The following CNTNAP2 variants were observed in gnomAD, a reference collection of about 807,000 sequenced individuals.
The protein encoded by CNTNAP2 is contactin-associated protein-like 2.
CNTNAP2 carries 98 observed loss-of-function variants against 155.2 expected under a neutral mutation model. The ratio of observed to expected loss-of-function variants is 0.63; its 90% CI spans 0.54 to 0.75. CNTNAP2 has a LOEUF of 0.75. Ranked by LOEUF, CNTNAP2 falls within the 30% of genes least tolerant of loss-of-function variation. The pLI is 0.00. For missense variants in CNTNAP2, 1,727 were observed against 1,688.1 expected, an observed-to-expected ratio of 1.02 and a Z score of -0.40; for synonymous variants, 651 against 631.2, an observed-to-expected ratio of 1.03 and a Z score of -0.47.
chr7:148,018,904 T>C (rs62473290), intron 15 of CNTNAP2, among the ~76,000 whole-genome samples: 5,816 of 152,342 alleles, frequency 0.038, 240 homozygotes, highest in East Asian at 0.24. Context: ...TCCATTTCCC[T>C]CTAAATTGAT....
chr7:147,646,382 A>G (rs1346530506), intron 13 of CNTNAP2, among the ~76,000 whole-genome samples: 3 of 152,216 alleles, frequency 2.0e-5, no homozygotes, highest in Admixed American at 6.5e-5. Context: ...GGCTGATGGC[A>G]TAGTGTAAAA....
intron 12 of CNTNAP2, among the ~76,000 whole-genome samples, chr7:147,631,020 A>T (rs1446097975): frequency 1.3e-5 from 2 of 152,130 alleles, no homozygotes; most frequent in East Asian, 3.8e-4. Flanking sequence ...ATCTGTAAAG[A>T]GGAAATTAAA....
chr7:148,026,456 T>A (rs766192946), intron 15 of CNTNAP2, among the ~76,000 whole-genome samples: 16 of 152,008 alleles, frequency 1.1e-4, no homozygotes, highest in South Asian at 2.1e-4. Context: ...GTCTCAAAAA[T>A]ATATATATGT....
chr7:146,140,004 C>G (rs1210620191), intron 1 of CNTNAP2, among the ~76,000 whole-genome samples: 1 of 152,102 alleles, frequency 6.6e-6, no homozygotes, highest in Non-Finnish European at 1.5e-5. Context: ...AGTCAAAGCC[C>G]TCTGTTGGAA....
chr7:147,612,677 A>C (rs1270983621), intron 12 of CNTNAP2, among the ~76,000 whole-genome samples: 1 of 152,122 alleles, frequency 6.6e-6, no homozygotes, highest in Non-Finnish European at 1.5e-5. Flanking sequence ...CAGGAATTAC[A>C]GGCGTGATCC....
rs1344692534 is a variant in CNTNAP2, at chr7:147,273,860, ATATG to A, written c.1349-26278_1349-26275del. Among the ~76,000 whole-genome samples the A allele has an allele frequency of 6.8e-5, 10 of 147,614 alleles. No homozygotes were observed. The East Asian group carries it at 1.6e-3, about 23-fold the overall frequency. On this transcript the variant is annotated intron_variant, in intron 8 of 23. Coordinates refer to ENST00000361727, the MANE Select transcript of CNTNAP2 (RefSeq NM_014141.6). The stretch of plus-strand genomic sequence containing the variant: ...GTAATATTTAAACATATATAAATAT[ATATG>A]TAATATATGTATATTATATATTTAT...
At position 146,964,144 on chromosome 7, in the gene CNTNAP2, C is replaced by A. The variant is rs554598447; in HGVS notation, c.403-79763C>A. 2.6e-3 allele frequency among the ~76,000 whole-genome samples: 400 copies of A among 152,226 alleles called. 1 individual carries two copies. The highest frequency in any genetic ancestry group is 3.8e-3 in the Non-Finnish European group (261 of 68,018). ...TCAGAATTGGAAACTTTCTTCATAG[C>A]CTTAGTCCACTGTTTCTGAATTAAA... On this transcript the variant is annotated intron_variant, in intron 3 of 23. Coordinates refer to ENST00000361727, the MANE Select transcript of CNTNAP2 (RefSeq NM_014141.6).
Position 146,891,611 on chromosome 7 carries a change from G to A in CNTNAP2, c.402+51707G>A, listed in dbSNP as rs548418241. On this transcript the variant is annotated intron_variant, in intron 3 of 23. Coordinates refer to ENST00000361727, the MANE Select transcript of CNTNAP2 (RefSeq NM_014141.6). Reference sequence around the variant, plus strand: ...ACCTGAATGAATATGAACAGTTTTTGTTCTTATTTTCTGGTGAATGATTTT... The same window carrying A: ...ACCTGAATGAATATGAACAGTTTTTATTCTTATTTTCTGGTGAATGATTTT... Among the ~76,000 whole-genome samples the A allele has an allele frequency of 2.0e-5, 3 of 152,114 alleles. No individual in the cohort carries two copies. In the South Asian group the frequency reaches 6.2e-4, roughly 32 times the overall value.
At chr7:147,969,750 G>C (rs1327065895) in intron 14 of CNTNAP2, among the ~76,000 whole-genome samples, 1 of 152,028 alleles carries the variant, frequency 6.6e-6, no homozygotes, top group Admixed American at 6.6e-5. Context: ...ACTTTGGCTT[G>C]AGTTATAGGT....
At chr7:146,303,549 G>GA (rs1554413757) in intron 1 of CNTNAP2, among the ~76,000 whole-genome samples, 1 of 152,024 alleles carries the variant, frequency 6.6e-6, no homozygotes, top group Non-Finnish European at 1.5e-5. Flanking sequence ...ACTGGAGCAG[G>GA]TTTTTCAGTT....
chr7:147,953,557 G>T (rs1800972483), intron 14 of CNTNAP2, among the ~76,000 whole-genome samples: 1 of 152,120 alleles, frequency 6.6e-6, no homozygotes, highest in East Asian at 1.9e-4. Context: ...CAATTCTATT[G>T]GTTATGCTGA....
chr7:146,871,401 G>A (rs1302604808), intron 3 of CNTNAP2, among the ~76,000 whole-genome samples: 1 of 151,904 alleles, frequency 6.6e-6, no homozygotes, highest in East Asian at 1.9e-4. Flanking sequence ...CTAATGGCAG[G>A]TGCCTGTAAT....
chr7:147,544,138 A>G (rs1324687706), intron 11 of CNTNAP2, among the ~76,000 whole-genome samples: 1 of 152,208 alleles, frequency 6.6e-6, no homozygotes, highest in Non-Finnish European at 1.5e-5. Flanking sequence ...AAGCCATCAG[A>G]GATCTGTAAA....
chr7:147,816,007 G>T (rs1037034578), intron 13 of CNTNAP2, among the ~76,000 whole-genome samples: 2 of 152,202 alleles, frequency 1.3e-5, no homozygotes. Context: ...TTAATAAGTG[G>T]TGTTGAGACT....
At chr7:146,590,885 A>G (rs1426818354) in intron 1 of CNTNAP2, among the ~76,000 whole-genome samples, 2 of 152,174 alleles carry the variant, frequency 1.3e-5, no homozygotes, top group African/African-American at 4.8e-5. Flanking sequence ...TGTGTTAGTC[A>G]GTTATCCTGG....
chr7:146,930,233 G>A (rs973127842), intron 3 of CNTNAP2, among the ~76,000 whole-genome samples: 29 of 152,276 alleles, frequency 1.9e-4, no homozygotes, highest in African/African-American at 6.0e-4. Flanking sequence ...GACTAACAGC[G>A]GATCTCTCGG....
At chr7:148,119,757 G>T (rs1163556161) in intron 16 of CNTNAP2, among the ~76,000 whole-genome samples, 2 of 152,010 alleles carry the variant, frequency 1.3e-5, no homozygotes, top group Non-Finnish European at 2.9e-5. Context: ...TAATTTGTGG[G>T]ATTGTGATGA....
chr7:147,841,026 A>G lies in CNTNAP2; in HGVS notation c.2099-62539A>G, dbSNP rs568879342. Reference sequence around the variant, plus strand: ...CGGCTTCAAATTCAATTAGGCCTTCAGCAAAGATTATTTCAGCAAATTGTC... The same window carrying G: ...CGGCTTCAAATTCAATTAGGCCTTCGGCAAAGATTATTTCAGCAAATTGTC... On this transcript the variant is annotated intron_variant, in intron 13 of 23. Coordinates refer to ENST00000361727, the MANE Select transcript of CNTNAP2 (RefSeq NM_014141.6). Among the ~76,000 whole-genome samples the G allele has an allele frequency of 8.5e-5, 13 of 152,322 alleles. No homozygotes were observed. In the East Asian group the frequency reaches 2.5e-3, roughly 29 times the overall value.
chr7:147,225,605 T>C (rs1343413619), intron 8 of CNTNAP2, among the ~76,000 whole-genome samples: 2 of 152,130 alleles, frequency 1.3e-5, no homozygotes, highest in Non-Finnish European at 2.9e-5. Context: ...TTAAATTGGC[T>C]TTAAATTTAT....
Sources: allele counts gnomAD v4.1 joint callset (sites outside exome capture counted in the v4.1 genomes callset), GRCh38; gene constraint gnomAD v4.1.1; transcripts MANE v1.5; gene names NCBI Gene and HGNC (gene_info 2026-07-23, HGNC 2026-07-21).